The following CNTNAP2 variants were observed in gnomAD, a reference collection of about 807,000 sequenced individuals.
The protein encoded by CNTNAP2 is contactin-associated protein-like 2.
A neutral mutation model predicts 155.2 loss-of-function variants in CNTNAP2; 98 were observed. That is an observed-to-expected ratio of 0.63 (90% CI 0.54 to 0.75). CNTNAP2 has a LOEUF of 0.75. Among genes scored for constraint, CNTNAP2 ranks in the 30% least tolerant of loss-of-function variants. The pLI is 0.00. For missense variants in CNTNAP2, 1,727 were observed against 1,688.1 expected (o/e 1.02, Z -0.40); for synonymous variants, 651 against 631.2 (o/e 1.03, Z -0.47).
chr7:146,368,928 GAATT>G (rs1795192793), intron 1 of CNTNAP2, among the ~76,000 whole-genome samples: 2 of 148,902 alleles, frequency 1.3e-5, no homozygotes, highest in Admixed American at 1.3e-4. Flanking sequence ...TTGTGTTATT[GAATT>G]AAGCCAGCCA....
At chr7:146,963,679 A>G (rs1039571787) in intron 3 of CNTNAP2, among the ~76,000 whole-genome samples, 2 of 152,196 alleles carry the variant, frequency 1.3e-5, no homozygotes, top group Admixed American at 1.3e-4. Context: ...ATAAGTAAAA[A>G]AAAACAAAAT....
chr7:147,396,179 T>G (rs1361917781), intron 10 of CNTNAP2, among the ~76,000 whole-genome samples: 1 of 56,532 alleles, frequency 1.8e-5, no homozygotes, highest in Non-Finnish European at 3.0e-5. Context: ...TATATATATA[T>G]AGCATATATA....
rs546960100 is a variant in CNTNAP2 at position 147,879,704 on chromosome 7, A to G, written c.2099-23861A>G. On this transcript the variant is annotated intron_variant, in intron 13 of 23. Coordinates refer to ENST00000361727, the MANE Select transcript of CNTNAP2 (RefSeq NM_014141.6). Reference sequence around the variant, plus strand: ...CATGAAATTGTGTCTTTGAAACTATATATTATGGAGATGAGTGATACTGGA... The same window carrying G: ...CATGAAATTGTGTCTTTGAAACTATGTATTATGGAGATGAGTGATACTGGA... Among the ~76,000 whole-genome samples the G allele has an allele frequency of 2.0e-5, 3 of 152,292 alleles. 1 individual carries two copies. The highest frequency in any genetic ancestry group is 2.1e-4 in the South Asian group (1 of 4,826).
intron 17 of CNTNAP2, among the ~76,000 whole-genome samples, chr7:148,154,231 C>T (rs1357249222): frequency 2.0e-5 from 3 of 152,210 alleles, no homozygotes; most frequent in Admixed American, 6.5e-5. Context: ...TTCAGGAGGA[C>T]TCAGAGACTA....
At chr7:147,732,410 C>T (rs1201434165) in intron 13 of CNTNAP2, among the ~76,000 whole-genome samples, 2 of 152,070 alleles carry the variant, frequency 1.3e-5, no homozygotes, top group Non-Finnish European at 2.9e-5. Context: ...TGTATATGTG[C>T]CACATTTTCT....
chr7:146,475,396 A>C (rs906123639), intron 1 of CNTNAP2, among the ~76,000 whole-genome samples: 1 of 152,220 alleles, frequency 6.6e-6, no homozygotes, highest in East Asian at 1.9e-4. Context: ...GTTACAGTAC[A>C]TCTTGAGGAT....
At chr7:146,483,326 T>TATATATATATATATATAC (rs1554439604) in intron 1 of CNTNAP2, among the ~76,000 whole-genome samples, 6 of 79,232 alleles carry the variant, frequency 7.6e-5, no homozygotes, top group South Asian at 3.3e-4. Context: ...TATATATATA[T>TATATATATATATATATAC]ATACATATAT....
chr7:147,638,245 C>T (rs1456600504), intron 12 of CNTNAP2, among the ~76,000 whole-genome samples: 1 of 152,020 alleles, frequency 6.6e-6, no homozygotes, highest in Non-Finnish European at 1.5e-5. Context: ...TTTCATCTTG[C>T]ACATTTCCAG....
intron 13 of CNTNAP2, among the ~76,000 whole-genome samples, chr7:147,676,462 A>T (rs1025178131): frequency 2.0e-5 from 3 of 152,044 alleles, no homozygotes; most frequent in African/African-American, 7.2e-5. Flanking sequence ...TTATGGAATG[A>T]CTAGGTCTAG....
intron 13 of CNTNAP2, among the ~76,000 whole-genome samples, chr7:147,864,493 C>T (rs1377750535): frequency 1.3e-5 from 2 of 151,272 alleles, no homozygotes; most frequent in Admixed American, 1.3e-4. Flanking sequence ...ATGGGGATGG[C>T]ATTGAATCTG....
intron 13 of CNTNAP2, among the ~76,000 whole-genome samples, chr7:147,893,256 A>G (rs1799722049): frequency 6.6e-6 from 1 of 152,250 alleles, no homozygotes; most frequent in Admixed American, 6.5e-5. Flanking sequence ...CTTAATTTAA[A>G]TAGTAAAAGA....
chr7:147,716,974 G>C (rs116021047), intron 13 of CNTNAP2, among the ~76,000 whole-genome samples: 74 of 152,182 alleles, frequency 4.9e-4, no homozygotes, highest in African/African-American at 1.5e-3. Flanking sequence ...CTCTAATAAA[G>C]CAAGTAGATT....
At chr7:148,251,943 G>A (rs1377369466) in intron 20 of CNTNAP2, among the ~76,000 whole-genome samples, 2 of 152,190 alleles carry the variant, frequency 1.3e-5, no homozygotes, top group East Asian at 3.8e-4. Context: ...CAACACAGGA[G>A]CCTGTAGGGC....
At chr7:146,953,435 G>A (rs1246367271) in intron 3 of CNTNAP2, among the ~76,000 whole-genome samples, 5 of 151,878 alleles carry the variant, frequency 3.3e-5, no homozygotes, top group African/African-American at 9.7e-5. Flanking sequence ...AATAAAAAGC[G>A]ATGACATCTC....
At chr7:147,747,711 C>T (rs1048296373) in intron 13 of CNTNAP2, among the ~76,000 whole-genome samples, 26 of 152,220 alleles carry the variant, frequency 1.7e-4, no homozygotes, top group South Asian at 6.2e-4. Context: ...TCCATTCCCA[C>T]TAACACTGTT....
intron 3 of CNTNAP2, among the ~76,000 whole-genome samples, chr7:146,959,415 TA>T (rs1418591317): frequency 6.6e-6 from 1 of 151,866 alleles, no homozygotes; most frequent in Non-Finnish European, 1.5e-5. Flanking sequence ...ACCGTAAAAT[TA>T]TTTTTTTTAA....
At chr7:147,794,870 G>A (rs1258214557) in intron 13 of CNTNAP2, among the ~76,000 whole-genome samples, 1 of 151,270 alleles carries the variant, frequency 6.6e-6, no homozygotes, top group Admixed American at 6.6e-5. Context: ...TAATTTGTTG[G>A]CATATATTAG....
intron 1 of CNTNAP2, among the ~76,000 whole-genome samples, chr7:146,770,004 G>A (rs1802264330): frequency 6.6e-6 from 1 of 152,054 alleles, no homozygotes; most frequent in South Asian, 2.1e-4. Context: ...ATCACCTGTA[G>A]GAAAGGGGTT....
At chr7:147,765,607 C>T (rs373262683) in intron 13 of CNTNAP2, among the ~76,000 whole-genome samples, 3 of 152,090 alleles carry the variant, frequency 2.0e-5, no homozygotes, top group Admixed American at 6.5e-5. Flanking sequence ...TGAGAAATAG[C>T]GAGTTATACA....
Sources: gnomAD v4.1 joint callset for allele counts (sites outside exome capture counted in the v4.1 genomes callset) on GRCh38, gnomAD v4.1.1 for gene constraint, MANE v1.5 for transcripts, NCBI Gene and HGNC (gene_info 2026-07-23, HGNC 2026-07-21) for gene names.